SLC26A8: variants seen among roughly 807,000 people sequenced by gnomAD.
The protein encoded by SLC26A8 is testis anion transporter 1.
SLC26A8 carries 70 observed loss-of-function variants against 105.0 expected under a neutral mutation model. That is an observed-to-expected ratio of 0.67 (90% confidence interval 0.55 to 0.81). The LOEUF (loss-of-function observed/expected upper bound fraction) is 0.81, where lower values mean the gene tolerates loss of function less well. Ranked by LOEUF, SLC26A8 falls within the 40% of genes least tolerant of loss-of-function variation. The pLI is 0.00. For synonymous variants in SLC26A8, 415 were observed against 438.3 expected (o/e 0.95, Z 0.66); for missense variants, 998 against 1,181.8 (o/e 0.84, Z 2.28).
intron 3 of SLC26A8, among the ~76,000 whole-genome samples, chr6:36,007,913 A>G (rs959265523): frequency 5.3e-5 from 8 of 151,896 alleles, no homozygotes; most frequent in Admixed American, 2.0e-4. Flanking sequence ...GAGGTCAGGA[A>G]ATCGAGACCG....
chr6:35,947,669 G>A (rs1456853108), intron 19 of SLC26A8, among the ~76,000 whole-genome samples: 1 of 152,140 alleles, frequency 6.6e-6, no homozygotes, highest in Non-Finnish European at 1.5e-5. Flanking sequence ...GGTGGCTCAT[G>A]CCTGTAATCC....
intron 19 of SLC26A8, 68 bp downstream of exon 19, chr6:35,951,095 C>A: frequency 6.2e-6 from 8 of 1,282,754 alleles, no homozygotes; most frequent in South Asian, 2.5e-5. Flanking sequence ...CCCCCAACCA[C>A]CCCTCACCCA....
At position 35,951,648 on chromosome 6, in the gene SLC26A8, G is replaced by A. The variant is rs569247015; in HGVS notation, c.2233-149C>T. 9.7e-5 allele frequency: 76 copies of A among 779,808 alleles called. No individual in the cohort carries two copies. The East Asian group carries it at 2.0e-3, about 20-fold the overall frequency. The allele number at this position is 779,808 out of a possible 1,614,324, so 48.3% of individuals were successfully genotyped here. ...AGATGGAGTGCAGTGGCATGATCTC[G>A]GCTCACTGCAACCTCCGCCTCCCAG... On this transcript the variant is annotated intron_variant, in intron 17 of 19. Coordinates refer to ENST00000490799, the MANE Select transcript of SLC26A8 (RefSeq NM_052961.4).
At chr6:35,945,903 GA>G (rs1292443901) in intron 19 of SLC26A8, among the ~76,000 whole-genome samples, 1 of 152,088 alleles carries the variant, frequency 6.6e-6, no homozygotes, top group Non-Finnish European at 1.5e-5. Flanking sequence ...CAACTTTCCT[GA>G]AACATTTTCT....
chr6:35,944,035 C>G lies in SLC26A8; in HGVS notation c.2778G>C (p.Gln926His). Residue 926 changes from glutamine (Q) to histidine (H), a missense_variant, in exon 20 of 20, where the codon CAG (glutamine) becomes CAC (histidine). Gln to His is a conservative substitution (Grantham distance 24). Transcript: ENST00000490799. ...SRPRAHTFPQ[Q>H]RYWPMYHPSM... ...ACGGATGATACATAGGCCAGTAACGCTGCTGAGGAAAAGTGTGAGCTCTTG... is the reference window on the plus strand; with the variant it reads ...ACGGATGATACATAGGCCAGTAACGGTGCTGAGGAAAAGTGTGAGCTCTTG... 1 of 1,614,122 alleles carries G rather than the reference C, an allele frequency of 6.2e-7. No homozygotes were observed. The highest frequency in any genetic ancestry group is 8.5e-7 in the Non-Finnish European group (1 of 1,180,024).
intron 10 of SLC26A8, 105 bp downstream of exon 10, chr6:35,975,270 A>G (rs2127321225): frequency 3.7e-6 from 2 of 543,028 alleles, no homozygotes; most frequent in Non-Finnish European, 6.2e-6. Context: ...GCATAGCATT[A>G]AAACAGCAAG....
chr6:35,997,990 T>G (rs756440991), intron 4 of SLC26A8, 71 bp from the exon 5 acceptor site: 12 of 1,401,120 alleles, frequency 8.6e-6, no homozygotes, highest in Non-Finnish European at 1.2e-5. Flanking sequence ...AAAAGCAAGG[T>G]ATGGTTGAAT....
intron 2 of SLC26A8, among the ~76,000 whole-genome samples, chr6:36,017,210 G>GAGAAA (rs1554168863): frequency 6.9e-5 from 2 of 28,788 alleles, no homozygotes; most frequent in East Asian, 4.4e-4. Flanking sequence ...AGGAAGGAAG[G>GAGAAA]AGAAAAGAAA....
intron 7 of SLC26A8, among the ~76,000 whole-genome samples, chr6:35,987,588 G>T (rs1268615750): frequency 2.0e-5 from 3 of 152,126 alleles, no homozygotes; most frequent in African/African-American, 7.2e-5. Flanking sequence ...AGCCAGGATG[G>T]TCTCAATCTC....
chr6:35,981,758 A>G lies in SLC26A8; in HGVS notation c.1025+363T>C, dbSNP rs1431928769. Among the ~76,000 whole-genome samples, 1 of 152,228 alleles carries G rather than the reference A, an allele frequency of 6.6e-6. No individual in the cohort carries two copies. On this transcript the variant is annotated intron_variant, in intron 8 of 19. Coordinates refer to ENST00000490799, the MANE Select transcript of SLC26A8 (RefSeq NM_052961.4). The surrounding 1 kb of genome is among the most constrained non-coding windows in gnomAD (Gnocchi z 4.0). ...TCTTCTGAACACAGAGCCACAGGAG[A>G]GAGGCTAGAAAAACCGAGGCATCTC...
chr6:35,957,710 G>C lies in SLC26A8; in HGVS notation c.1863+1750C>G, dbSNP rs539758218. On this transcript the variant is annotated intron_variant, in intron 16 of 19. Coordinates refer to ENST00000490799, the MANE Select transcript of SLC26A8 (RefSeq NM_052961.4). The stretch of plus-strand genomic sequence containing the variant: ...GAACTTCCGCCTCCTGGGTTCAAGC[G>C]ATTCTCCTGCCTCAGCCTCCCGAGT... Among the ~76,000 whole-genome samples, 111 of 151,544 alleles carry C rather than the reference G, an allele frequency of 7.3e-4. 2 individuals are homozygous for C. The highest frequency in any genetic ancestry group is 2.5e-3 in the African/African-American group (105 of 41,322).
In SLC26A8 at chr6:35,982,345, G is replaced by C. The variant is rs1300822360; in HGVS notation, c.943-142C>G. On this transcript the variant is annotated intron_variant, in intron 7 of 19. Transcript: ENST00000490799. ...AGTCCCTATGCATGCAAGTTGGAGAGAGAGGCATGGCTAGTTCAGCGGAGC... is the reference window on the plus strand; with the variant it reads ...AGTCCCTATGCATGCAAGTTGGAGACAGAGGCATGGCTAGTTCAGCGGAGC... The C allele has an allele frequency of 6.9e-6, 5 of 724,560 alleles. No individual in the cohort carries two copies. The African/African-American group carries it at 8.9e-5, about 13-fold the overall frequency. 44.9% of individuals were successfully genotyped at this position (724,560 alleles called of 1,614,324 possible).
intron 17 of SLC26A8, among the ~76,000 whole-genome samples, chr6:35,953,487 G>A (rs1322529355): frequency 6.6e-6 from 1 of 152,208 alleles, no homozygotes; most frequent in African/African-American, 2.4e-5. Flanking sequence ...ACATGAGATA[G>A]TGTATATACA....
chr6:36,009,398 A>G lies in SLC26A8; in HGVS notation c.328+2835T>C, dbSNP rs576579157. On this transcript the variant is annotated intron_variant, in intron 3 of 19. Coordinates refer to ENST00000490799, the MANE Select transcript of SLC26A8 (RefSeq NM_052961.4). The stretch of plus-strand genomic sequence containing the variant: ...ACAACAACAACAAACCTGCACATGA[A>G]TGTTCATATCGTCTATATGTGTAAT... Among the ~76,000 whole-genome samples the G allele has an allele frequency of 4.6e-5, 7 of 151,102 alleles. No homozygotes were observed. The South Asian group carries it at 1.5e-3, about 31-fold the overall frequency.
Position 35,955,543 on chromosome 6 carries a change from G to A in SLC26A8, c.1864-23C>T, listed in dbSNP as rs757710631. 13 of 1,607,686 alleles carry A rather than the reference G, an allele frequency of 8.1e-6. No homozygotes were observed. The Admixed American group carries it at 1.0e-4, about 12-fold the overall frequency. On this transcript the variant is annotated intron_variant, in intron 16 of 19. Coordinates refer to ENST00000490799, the MANE Select transcript of SLC26A8 (RefSeq NM_052961.4). ...AATCTGGGACGACAGAGTTAAGGGA[G>A]GGCTGTGGTAAGACACCAACAAGGG... is the stretch of plus-strand genomic sequence containing the variant.
At chr6:36,008,492 C>A (rs954394559) in intron 3 of SLC26A8, among the ~76,000 whole-genome samples, 24 of 151,966 alleles carry the variant, frequency 1.6e-4, no homozygotes, top group Non-Finnish European at 2.9e-4. Context: ...GATGAGATAC[C>A]ACTACGTACT....
rs565065811 is a variant in SLC26A8, at chr6:35,954,536, T to C, written c.2232+616A>G. Among the ~76,000 whole-genome samples the C allele has an allele frequency of 8.5e-5, 13 of 152,318 alleles. No individual in the cohort carries two copies. In the South Asian group the frequency reaches 2.7e-3, roughly 32 times the overall value. On this transcript the variant is annotated intron_variant, in intron 17 of 19. Coordinates refer to ENST00000490799, the MANE Select transcript of SLC26A8 (RefSeq NM_052961.4). Reference sequence around the variant, plus strand: ...ACTCCCAGGATGTTCTGGGAGTTACTGGGCGTGGCACAGATTGCTGTTTCA... The same window carrying C: ...ACTCCCAGGATGTTCTGGGAGTTACCGGGCGTGGCACAGATTGCTGTTTCA...
intron 4 of SLC26A8, among the ~76,000 whole-genome samples, chr6:35,998,978 T>A (rs1190043654): frequency 6.6e-6 from 1 of 152,126 alleles, no homozygotes; most frequent in Non-Finnish European, 1.5e-5. Context: ...CACTGCAACC[T>A]CCACCTCCCG....
At chr6:36,016,673 T>TAA (rs1336552058) in intron 2 of SLC26A8, among the ~76,000 whole-genome samples, 1 of 152,160 alleles carries the variant, frequency 6.6e-6, no homozygotes, top group East Asian at 1.9e-4. Flanking sequence ...TTTTATGCAT[T>TAA]AAAAAATTAT....
Sources: gnomAD v4.1 joint callset for allele counts (sites outside exome capture counted in the v4.1 genomes callset) on GRCh38, gnomAD v4.1.1 for gene constraint, Gnocchi (gnomAD v3.1) non-coding constraint, MANE v1.5 for transcripts, NCBI Gene and HGNC (gene_info 2026-07-23, HGNC 2026-07-21) for gene names.